Variants in KCNN2 observed in about 807,000 individuals in gnomAD.
KCNN2 encodes the protein small conductance calcium-activated potassium channel protein 2.
In KCNN2, 24 loss-of-function variants were observed where a neutral mutation model predicts 55.5. That is an observed-to-expected ratio of 0.43 (90% CI 0.31 to 0.61). KCNN2 has a LOEUF of 0.61. Among genes scored for constraint, KCNN2 ranks in the 20% least tolerant of loss-of-function variants. KCNN2 has a pLI of 0.08. For synonymous variants in KCNN2, 431 were observed against 336.1 expected, an observed-to-expected ratio of 1.28 and a Z score of -3.09; for missense variants, 754 against 853.6, an observed-to-expected ratio of 0.88 and a Z score of 1.45.
intron 1 of KCNN2, among the ~76,000 whole-genome samples, chr5:114,126,425 A>G (rs2112604768): frequency 6.6e-6 from 1 of 152,260 alleles, no homozygotes; most frequent in East Asian, 1.9e-4. Flanking sequence ...AAGCAGAAGA[A>G]TGAGTGCCCA....
chr5:114,464,251 C>T, intron 4 of KCNN2, among the ~76,000 whole-genome samples: 1 of 152,170 alleles, frequency 6.6e-6, no homozygotes, highest in East Asian at 1.9e-4. Flanking sequence ...GAGGTAGTTT[C>T]AAATTGTTGA....
At chr5:114,436,207 C>G (rs1759998646) in intron 3 of KCNN2, among the ~76,000 whole-genome samples, 2 of 152,174 alleles carry the variant, frequency 1.3e-5, no homozygotes, top group Admixed American at 1.3e-4. Context: ...ACTTTGTCAG[C>G]TTGGTGTTAC....
intron 1 of KCNN2, among the ~76,000 whole-genome samples, chr5:114,188,024 G>A (rs1222795429): frequency 6.6e-6 from 1 of 151,408 alleles, no homozygotes; most frequent in Non-Finnish European, 1.5e-5. Context: ...TGTTGGTCAG[G>A]CTGGTCTTGA....
chr5:114,494,913 A>ATGAT (rs1748040106), intron 7 of KCNN2, among the ~76,000 whole-genome samples: 1 of 152,160 alleles, frequency 6.6e-6, no homozygotes, highest in African/African-American at 2.4e-5. Context: ...AGAAGAGCAT[A>ATGAT]TGATAGAAGG....
rs549415069 is a variant in KCNN2 at position 114,442,763 on chromosome 5, G to A, written c.1638-20286G>A. Among the ~76,000 whole-genome samples the A allele has an allele frequency of 1.1e-4, 16 of 152,262 alleles. No individual in the cohort carries two copies. The South Asian group carries it at 2.1e-3, about 20-fold the overall frequency. On this transcript the variant is annotated intron_variant, in intron 3 of 7. Coordinates refer to ENST00000673685, the MANE Select transcript of KCNN2 (RefSeq NM_021614.4). ...GGGACTAAAGGATATGTAAGAGAGGGATGGAAAATACTGTGGTGTATAAAA... is the reference window on the plus strand; with the variant it reads ...GGGACTAAAGGATATGTAAGAGAGGAATGGAAAATACTGTGGTGTATAAAA...
intron 2 of KCNN2, among the ~76,000 whole-genome samples, chr5:114,242,007 C>G (rs1754654315): frequency 6.6e-6 from 1 of 151,212 alleles, no homozygotes; most frequent in African/African-American, 2.4e-5. Flanking sequence ...TTTCATGGAT[C>G]AGTGTGTTCT....
intron 1 of KCNN2, among the ~76,000 whole-genome samples, chr5:114,200,458 T>C (rs1021306975): frequency 6.6e-6 from 1 of 152,150 alleles, no homozygotes; most frequent in Non-Finnish European, 1.5e-5. Context: ...CTGATTTCTC[T>C]TGCATCTCAC....
chr5:114,364,757 C>G (rs1179973103), intron 2 of KCNN2, among the ~76,000 whole-genome samples: 1 of 151,880 alleles, frequency 6.6e-6, no homozygotes, highest in Non-Finnish European at 1.5e-5. Flanking sequence ...AATATTAAGG[C>G]TTTTAAATTA....
At chr5:114,417,992 T>G (rs896950906) in intron 3 of KCNN2, among the ~76,000 whole-genome samples, 6 of 152,184 alleles carry the variant, frequency 3.9e-5, no homozygotes, top group African/African-American at 1.4e-4. Flanking sequence ...ACATGAGGAC[T>G]TGTGGGGTAA....
intron 3 of KCNN2, among the ~76,000 whole-genome samples, chr5:114,441,373 T>C (rs1388654307): frequency 6.6e-6 from 1 of 152,182 alleles, no homozygotes; most frequent in African/African-American, 2.4e-5. Flanking sequence ...CTAGTAAAGA[T>C]ACATTCCCTT....
At chr5:114,143,007 C>T (rs1260539370) in intron 1 of KCNN2, among the ~76,000 whole-genome samples, 1 of 152,070 alleles carries the variant, frequency 6.6e-6, no homozygotes, top group Non-Finnish European at 1.5e-5. Context: ...TTTCCTTTTT[C>T]CCAGGTGGAT....
At chr5:114,421,502 G>T (rs779348791) in intron 3 of KCNN2, among the ~76,000 whole-genome samples, 1 of 151,566 alleles carries the variant, frequency 6.6e-6, no homozygotes, top group African/African-American at 2.4e-5. Context: ...TGTCGGCCAC[G>T]CTGGTCTCGA....
chr5:114,437,211 A>C (rs1760038567), intron 3 of KCNN2, among the ~76,000 whole-genome samples: 1 of 152,182 alleles, frequency 6.6e-6, no homozygotes, highest in South Asian at 2.1e-4. Flanking sequence ...AATCATTTAA[A>C]ACATAGTAAA....
chr5:114,493,065 A>G (rs1747937857), intron 6 of KCNN2, among the ~76,000 whole-genome samples: 2 of 152,104 alleles, frequency 1.3e-5, no homozygotes, highest in Admixed American at 1.3e-4. Context: ...ATTTCTTCCT[A>G]TGTCTATGTG....
At chr5:114,195,747 T>G (rs1247510835) in intron 1 of KCNN2, among the ~76,000 whole-genome samples, 1 of 152,038 alleles carries the variant, frequency 6.6e-6, no homozygotes, top group Non-Finnish European at 1.5e-5. Flanking sequence ...GCAGACATCC[T>G]TGTCTTGTTC....
chr5:114,146,509 G>C (rs1752400198), intron 1 of KCNN2, among the ~76,000 whole-genome samples: 1 of 152,184 alleles, frequency 6.6e-6, no homozygotes, highest in South Asian at 2.1e-4. Flanking sequence ...TTTAACATGA[G>C]AAGTGGCTTC....
chr5:114,357,905 C>T (rs1298881938), upstream of KCNN2, among the ~76,000 whole-genome samples: 2 of 151,294 alleles, frequency 1.3e-5, no homozygotes, highest in Non-Finnish European at 2.9e-5. Context: ...AACTAGTTTA[C>T]AGTCCCACCA....
At chr5:114,072,122 G>A (rs1170965139) in intron 1 of KCNN2, among the ~76,000 whole-genome samples, 2 of 152,076 alleles carry the variant, frequency 1.3e-5, no homozygotes, top group African/African-American at 4.8e-5. Flanking sequence ...GAGAAACCAC[G>A]TCTATACTAA....
At chr5:114,170,981 G>A (rs1753021556) in intron 1 of KCNN2, among the ~76,000 whole-genome samples, 1 of 151,794 alleles carries the variant, frequency 6.6e-6, no homozygotes, top group Admixed American at 6.6e-5. Flanking sequence ...TTTCACTTTT[G>A]GCTTCAGTCT....
Sources: allele counts gnomAD v4.1 joint callset (sites outside exome capture counted in the v4.1 genomes callset), GRCh38; gene constraint gnomAD v4.1.1; transcripts MANE v1.5; gene names NCBI Gene and HGNC (gene_info 2026-07-23, HGNC 2026-07-21).